COL21A1: variants seen among roughly 807,000 people sequenced by gnomAD.
COL21A1 encodes the protein collagen alpha-1(XXI) chain.
COL21A1 carries 149 observed loss-of-function variants against 137.9 expected under a neutral mutation model. The observed-to-expected ratio is 1.08, with a 90% CI of 0.95 to 1.24. COL21A1 has a LOEUF of 1.24. COL21A1 is among the 50% of genes most tolerant of loss of function. The probability of loss-of-function intolerance (pLI) is 0.00; values close to 1 mark genes in which losing one functional copy is unlikely to be tolerated. For synonymous variants in COL21A1, 456 were observed against 391.5 expected, an observed-to-expected ratio of 1.16 and a Z score of -1.95; for missense variants, 1,167 against 1,158.4, an observed-to-expected ratio of 1.01 and a Z score of -0.11.
chr6:56,060,397 G>A, intron 27 of COL21A1, 179 bp from the exon 28 acceptor site: 1 of 586,216 alleles, frequency 1.7e-6, no homozygotes, highest in Non-Finnish European at 2.9e-6. Context: ...GCTCTGTGCG[G>A]TAATTTTATT....
chr6:56,267,773 G>A lies in COL21A1; in HGVS notation c.-38-85117C>T, dbSNP rs1022486005. 8.3e-3 allele frequency among the ~76,000 whole-genome samples: 996 copies of A among 119,504 alleles called. 11 individuals are homozygous for A. The highest frequency in any genetic ancestry group is 0.018 in the Middle Eastern group (4 of 228). The allele number at this position is 119,504 out of a possible 152,430, so 78.4% of individuals were successfully genotyped here. A position where few individuals can be genotyped will look rare whatever the true frequency, so the allele number is the denominator to read the frequency against. On this transcript the variant is annotated intron_variant, in intron 1 of 28. Transcript: ENST00000370819. ...CTCTGTTAAAAAAAAAAAAAAAAAA[G>A]AAGAAGAAGAAGAAGAAGAGAGCCT...
intron 1 of COL21A1, among the ~76,000 whole-genome samples, chr6:56,368,676 G>T (rs779790067): frequency 1.3e-5 from 2 of 152,180 alleles, no homozygotes; most frequent in African/African-American, 2.4e-5. Flanking sequence ...GCCATTGGCT[G>T]CCAGGGAAAG....
At chr6:56,060,502 A>T (rs1225481701) in intron 27 of COL21A1, 1 of 479,356 alleles carries the variant, frequency 2.1e-6, no homozygotes, top group African/African-American at 2.0e-5. Flanking sequence ...ATCAAAAAAT[A>T]TGCTACAAAA....
chr6:56,198,645 A>G (rs1035431246), intron 1 of COL21A1, among the ~76,000 whole-genome samples: 38 of 152,150 alleles, frequency 2.5e-4, no homozygotes, highest in African/African-American at 8.7e-4. Flanking sequence ...AGTATTTTAT[A>G]TTAAGAAACA....
chr6:56,066,439 A>G (rs1181426955), intron 23 of COL21A1, among the ~76,000 whole-genome samples: 1 of 151,954 alleles, frequency 6.6e-6, no homozygotes, highest in African/African-American at 2.4e-5. Context: ...GGAAATGTCC[A>G]GAGTATTTTT....
chr6:56,241,356 C>T (rs1278110139), intron 1 of COL21A1, among the ~76,000 whole-genome samples: 1 of 152,208 alleles, frequency 6.6e-6, no homozygotes, highest in African/African-American at 2.4e-5. Flanking sequence ...CTTGGACTCT[C>T]TAGCCTCCAG....
Position 56,259,004 on chromosome 6 carries a change from A to G in COL21A1, c.-38-76348T>C, listed in dbSNP as rs540792635. On this transcript the variant is annotated intron_variant, in intron 1 of 28. Coordinates refer to the COL21A1 transcript ENST00000370819. ...GCAAAATCCAAAACTAAAAATACCC[A>G]TTTAACTTTTATTCCTTGTATCCCA... is the stretch of plus-strand genomic sequence containing the variant. Among the ~76,000 whole-genome samples, 4 of 152,316 alleles carry G rather than the reference A, an allele frequency of 2.6e-5. No homozygotes were observed. In the East Asian group the frequency reaches 7.7e-4, roughly 29 times the overall value.
At chr6:56,271,491 G>A (rs1017533029) in intron 1 of COL21A1, among the ~76,000 whole-genome samples, 2 of 152,198 alleles carry the variant, frequency 1.3e-5, no homozygotes, top group African/African-American at 4.8e-5. Flanking sequence ...AAGGGAAGCA[G>A]AGCATAAAGA....
At chr6:56,374,068 G>T (rs1028759794) in intron 1 of COL21A1, among the ~76,000 whole-genome samples, 1 of 152,164 alleles carries the variant, frequency 6.6e-6, no homozygotes, top group East Asian at 1.9e-4. Flanking sequence ...TCCAGGAAAA[G>T]ATTTTTATTG....
At chr6:56,148,775 A>G (rs950127173) in intron 10 of COL21A1, among the ~76,000 whole-genome samples, 3 of 152,118 alleles carry the variant, frequency 2.0e-5, no homozygotes, top group African/African-American at 7.2e-5. Context: ...CTTATACTCT[A>G]TCACCATTCT....
At position 56,380,898 on chromosome 6, in the gene COL21A1, A is replaced by G. The variant is rs537439386; in HGVS notation, c.-39+13073T>C. Among the ~76,000 whole-genome samples the G allele has an allele frequency of 2.0e-5, 3 of 152,308 alleles. No homozygotes were observed. The East Asian group carries it at 5.8e-4, about 29-fold the overall frequency. On this transcript the variant is annotated intron_variant, in intron 1 of 28. Coordinates refer to the COL21A1 transcript ENST00000370819. Reference sequence around the variant, plus strand: ...TCAATGTTAATGAACATTATATACTAAAAAATACATAACAATAATATGTAT... The same window carrying G: ...TCAATGTTAATGAACATTATATACTGAAAAATACATAACAATAATATGTAT...
chr6:56,107,066 C>T (rs1287149289), intron 16 of COL21A1, among the ~76,000 whole-genome samples: 1 of 152,060 alleles, frequency 6.6e-6, no homozygotes, highest in Non-Finnish European at 1.5e-5. Context: ...GGATTACAGG[C>T]GTGAGCCACC....
intron 1 of COL21A1, among the ~76,000 whole-genome samples, chr6:56,294,844 C>T (rs1456917818): frequency 6.6e-6 from 1 of 151,952 alleles, no homozygotes; most frequent in Non-Finnish European, 1.5e-5. Context: ...TGGATACTAG[C>T]CCTTTATCAG....
chr6:56,183,614 TC>T (rs1778062880), intron 1 of COL21A1, among the ~76,000 whole-genome samples: 1 of 152,120 alleles, frequency 6.6e-6, no homozygotes, highest in South Asian at 2.1e-4. Flanking sequence ...CTGTCCCTCT[TC>T]CTCTCCAGGT....
chr6:56,164,906 T>A (rs1776457309), intron 7 of COL21A1, 84 bp from the exon 8 acceptor site: 2 of 1,067,510 alleles, frequency 1.9e-6, no homozygotes, highest in Non-Finnish European at 2.7e-6. Context: ...TATTTCACCA[T>A]CCAGATTAGA....
chr6:56,133,768 A>G (rs999464212), intron 12 of COL21A1, among the ~76,000 whole-genome samples: 1 of 152,196 alleles, frequency 6.6e-6, no homozygotes, highest in African/African-American at 2.4e-5. Context: ...GCTAAAAGGG[A>G]CCAAGGTACA....
chr6:56,303,502 G>A (rs1438487621), intron 1 of COL21A1, among the ~76,000 whole-genome samples: 1 of 152,154 alleles, frequency 6.6e-6, no homozygotes, highest in African/African-American at 2.4e-5. Flanking sequence ...AATTGTGAAT[G>A]GGAGTTCACT....
intron 1 of COL21A1, among the ~76,000 whole-genome samples, chr6:56,308,753 A>G (rs1344681151): frequency 4.6e-5 from 7 of 152,104 alleles, no homozygotes; most frequent in Non-Finnish European, 2.9e-5. Flanking sequence ...AACAAATAAG[A>G]TTTAAAGCTC....
chr6:56,098,658 T>TATATATAAATATATATATAAATATATAA lies in COL21A1; in HGVS notation c.1812+2813_1812+2814insTTATATATTTATATATATATTTATATAT, dbSNP rs1770081182. On this transcript the variant is annotated intron_variant, in intron 17 of 29. Transcript: ENST00000244728. ...ATATAAATATATATAAATATATAAA[T>TATATATAAATATATATATAAATATATAA]ATATATAAATATATATATAAATATA... 1.0e-3 allele frequency among the ~76,000 whole-genome samples: 21 copies of TATATATAAATATATATATAAATATATAA among 20,754 alleles called. 3 individuals are homozygous for TATATATAAATATATATATAAATATATAA. The highest frequency in any genetic ancestry group is 1.6e-3 in the Non-Finnish European group (19 of 11,650). 13.6% of individuals were successfully genotyped at this position (20,754 alleles called of 152,430 possible). A position where few individuals can be genotyped will look rare whatever the true frequency, so the allele number is the denominator to read the frequency against.
Sources: allele counts gnomAD v4.1 joint callset (sites outside exome capture counted in the v4.1 genomes callset), GRCh38; gene constraint gnomAD v4.1.1; transcripts MANE v1.5; gene names NCBI Gene and HGNC (gene_info 2026-07-23, HGNC 2026-07-21).